KIF5A: variants seen among roughly 807,000 people sequenced by gnomAD.
The protein encoded by KIF5A is kinesin heavy chain isoform 5A.
A neutral mutation model predicts 141.3 loss-of-function variants in KIF5A; 35 were observed. The observed-to-expected ratio is 0.25, with a 90% CI of 0.19 to 0.33. The LOEUF (loss-of-function observed/expected upper bound fraction) is 0.33, where lower values mean the gene tolerates loss of function less well. Ranked by LOEUF, KIF5A falls within the 10% of genes least tolerant of loss-of-function variation. The pLI is 1.00. For synonymous variants in KIF5A, 448 were observed against 500.2 expected (o/e 0.90, Z 1.39); for missense variants, 861 against 1,314.3 (o/e 0.66, Z 5.33).
In KIF5A at chr12:57,569,414, A is replaced by G; in HGVS notation, c.968+10A>G. The G allele has an allele frequency of 4.3e-6, 7 of 1,613,966 alleles. No homozygotes were observed. Among genetic ancestry groups the G allele is most frequent in the Non-Finnish European group, 5.9e-6 (7 of 1,179,970 alleles). ...TGATGTTTGGGCAGCGGTCAGTGGC[A>G]GGGTCCCCAGAGGGATCCCTGGTAC... On this transcript the variant is annotated intron_variant, in intron 10 of 28. Transcript: ENST00000455537.
At chr12:57,558,765 C>T (rs569167563) in intron 1 of KIF5A, among the ~76,000 whole-genome samples, 7 of 152,258 alleles carry the variant, frequency 4.6e-5, no homozygotes, top group African/African-American at 7.2e-5. Flanking sequence ...AGATTTATCT[C>T]ATTCTTTTTT....
chr12:57,579,069 A>G (rs1882516181), intron 23 of KIF5A, among the ~76,000 whole-genome samples: 1 of 151,574 alleles, frequency 6.6e-6, no homozygotes, highest in Non-Finnish European at 1.5e-5. Flanking sequence ...GTTTCAATTA[A>G]AAAAAAATGA....
rs1413250517 is a variant in KIF5A, at chr12:57,550,660, G to T, written c.129+260G>T. Among the ~76,000 whole-genome samples, 2 of 152,216 alleles carry T rather than the reference G, an allele frequency of 1.3e-5. No individual in the cohort carries two copies. The highest frequency in any genetic ancestry group is 2.9e-5 in the Non-Finnish European group (2 of 68,032). ...ATCCAACTCCCCTTTGCTGCTGTCTGCAGCGTCTCCACCCGTTAGAACCAG... is the reference window on the plus strand; with the variant it reads ...ATCCAACTCCCCTTTGCTGCTGTCTTCAGCGTCTCCACCCGTTAGAACCAG... On this transcript the variant is annotated intron_variant, in intron 1 of 28. Coordinates refer to ENST00000455537, the MANE Select transcript of KIF5A (RefSeq NM_004984.4). The surrounding 1 kb of genome is among the most constrained non-coding windows in gnomAD (Gnocchi z 4.6).
chr12:57,565,640 T>G (rs1362668876), intron 6 of KIF5A, among the ~76,000 whole-genome samples: 3 of 148,822 alleles, frequency 2.0e-5, no homozygotes, highest in Admixed American at 2.0e-4. Flanking sequence ...TTTTTTTTTT[T>G]TGGAGACAGA....
At chr12:57,564,306 C>T in intron 4 of KIF5A, 94 bp downstream of exon 4, 1 of 1,117,842 alleles carries the variant, frequency 8.9e-7, no homozygotes, top group South Asian at 1.2e-5. Context: ...CCCAACTTGA[C>T]TCCCTTTCCG....
chr12:57,551,549 G>A (rs1480042187), intron 1 of KIF5A, among the ~76,000 whole-genome samples: 1 of 152,156 alleles, frequency 6.6e-6, no homozygotes, highest in Non-Finnish European at 1.5e-5. Flanking sequence ...AAAGATCTGG[G>A]GTCGAGTCCT....
At chr12:57,566,816 C>A (rs1339601703) in intron 6 of KIF5A, among the ~76,000 whole-genome samples, 1 of 151,744 alleles carries the variant, frequency 6.6e-6, no homozygotes, top group African/African-American at 2.4e-5. Flanking sequence ...CCAAGGCAGG[C>A]GGATCACGAG....
chr12:57,582,664 G>T (rs770352893), intron 27 of KIF5A, 35 bp downstream of exon 27: 1 of 1,559,170 alleles, frequency 6.4e-7, no homozygotes, highest in South Asian at 1.1e-5. Context: ...GGTTCTCTGG[G>T]TGGGACCAGA....
chr12:57,564,043 A>G (rs1006821393), intron 3 of KIF5A, 65 bp from the exon 4 acceptor site: 131 of 1,134,364 alleles, frequency 1.2e-4, no homozygotes, highest in African/African-American at 1.5e-4. Context: ...GTTCACCTGC[A>G]TACATCTGAG....
chr12:57,569,531 C>T lies in KIF5A; in HGVS notation c.969-4C>T, dbSNP rs1882179070. On this transcript the variant is annotated splice_region_variant and splice_polypyrimidine_tract_variant and intron_variant, in intron 10 of 28. Coordinates refer to ENST00000455537, the MANE Select transcript of KIF5A (RefSeq NM_004984.4). ...ATTTCTTTGTTCCTCTTCTCCTCAC[C>T]CAGGGCAAAGACCATTAAGAACACT... The T allele has an allele frequency of 6.2e-7, 1 of 1,614,118 alleles. No individual in the cohort carries two copies. The highest frequency in any genetic ancestry group is 8.5e-7 in the Non-Finnish European group (1 of 1,180,038).
At chr12:57,570,185 C>A (rs759864471) in intron 12 of KIF5A, 23 bp downstream of exon 12, 173 of 1,610,880 alleles carry the variant, frequency 1.1e-4, no homozygotes, top group Non-Finnish European at 1.4e-4. Flanking sequence ...AGGCAGGGCA[C>A]TGAGGCACGC....
At position 57,569,335 on chromosome 12, in the gene KIF5A, T is replaced by A. The variant is rs1290797018; in HGVS notation, c.899T>A (p.Met300Lys). 1 of 1,613,950 alleles carries A rather than the reference T, an allele frequency of 6.2e-7. No homozygotes were observed. The highest frequency in any genetic ancestry group is 8.5e-7 in the Non-Finnish European group (1 of 1,179,890). The part of the protein sequence containing the change: ...DSLGGNCRTT[M>K]FICCSPSSYN... ...CTCGGGGGAAACTGCCGGACGACTA[T>A]GTTCATCTGTTGCTCACCATCCAGT... Residue 300 changes from methionine (M) to lysine (K), a missense_variant, in exon 10 of 29, where the codon ATG becomes AAG. Met to Lys is a moderately conservative substitution (Grantham distance 95). Around this residue, in one of 5 missense-constraint regions of KIF5A, gnomAD observed 146 missense variants for 353.4 expected, o/e 0.41. Transcript: ENST00000455537.
intron 22 of KIF5A, 54 bp from the exon 23 acceptor site, chr12:57,578,184 G>A (rs145753901): frequency 2.3e-5 from 37 of 1,585,862 alleles, no homozygotes; most frequent in Non-Finnish European, 3.1e-5. Context: ...CCTGGTCTTG[G>A]TGGGACCTGT....
At chr12:57,559,029 G>A (rs1479739915) in intron 1 of KIF5A, among the ~76,000 whole-genome samples, 2 of 152,140 alleles carry the variant, frequency 1.3e-5, no homozygotes, top group Admixed American at 6.5e-5. Context: ...CTCCAGACTT[G>A]ACCTCCCAAA....
chr12:57,555,580 G>T (rs1180694025), intron 1 of KIF5A, among the ~76,000 whole-genome samples: 2 of 144,986 alleles, frequency 1.4e-5, no homozygotes, highest in African/African-American at 5.1e-5. Context: ...AACAGAGCAA[G>T]ACTCCGTCTC....
intron 12 of KIF5A, among the ~76,000 whole-genome samples, chr12:57,570,686 G>T (rs1178150020): frequency 6.6e-6 from 1 of 152,124 alleles, no homozygotes; most frequent in African/African-American, 2.4e-5. Context: ...TGCCCGGCCT[G>T]TATATGTAAT....
intron 15 of KIF5A, 136 bp from the exon 16 acceptor site, chr12:57,574,948 A>G: frequency 1.3e-6 from 1 of 763,102 alleles, no homozygotes; most frequent in East Asian, 2.7e-5. Context: ...GAGAGCTGCT[A>G]AAGGTCGTTT....
At chr12:57,552,447 T>C (rs1004234794) in intron 1 of KIF5A, among the ~76,000 whole-genome samples, 1 of 152,204 alleles carries the variant, frequency 6.6e-6, no homozygotes, top group African/African-American at 2.4e-5. Context: ...TTGCCTGATA[T>C]CTGTAGGGCT....
Position 57,576,832 on chromosome 12 carries a change from A to G in KIF5A, c.2270A>G (p.His757Arg). 6.2e-7 allele frequency: 1 copy of G among 1,613,886 alleles called. No homozygotes were observed. Among genetic ancestry groups the G allele is most frequent in the Non-Finnish European group, 8.5e-7 (1 of 1,179,830 alleles). ...TACGAGAAGCTGAAGAGCGAAGAACACGAGAAGAGCACCAAGCTGCAGGAG... is the reference window on the plus strand; with the variant it reads ...TACGAGAAGCTGAAGAGCGAAGAACGCGAGAAGAGCACCAAGCTGCAGGAG... ...ADYEKLKSEE[H>R]EKSTKLQELT... The change falls in exon 20 of 29, where the codon CAC becomes CGC. Residue 757 changes from histidine (H) to arginine (R), a missense_variant. His to Arg is a conservative substitution (Grantham distance 29). Coordinates refer to ENST00000455537, the MANE Select transcript of KIF5A (RefSeq NM_004984.4).
Sources: gnomAD v4.1 joint callset for allele counts (sites outside exome capture counted in the v4.1 genomes callset) on GRCh38, gnomAD v4.1.1 for gene constraint, gnomAD v4.1.1 regional missense constraint, Gnocchi (gnomAD v3.1) non-coding constraint, MANE v1.5 for transcripts, NCBI Gene and HGNC (gene_info 2026-07-23, HGNC 2026-07-21) for gene names.